Variants in LRGUK observed in about 807,000 individuals in gnomAD.
The protein encoded by LRGUK is leucine-rich repeat and guanylate kinase domain-containing protein.
Under a neutral mutation model 76.0 loss-of-function variants are expected in LRGUK, and 65 were observed. That is an observed-to-expected ratio of 0.85 (90% CI 0.70 to 1.05). The LOEUF is 1.05. LRGUK is among the 50% of genes least tolerant of loss of function. The pLI, the probability that LRGUK is intolerant of heterozygous loss-of-function variation, is 0.00. For missense variants in LRGUK, 758 were observed against 732.8 expected (o/e 1.03, Z -0.40); for synonymous variants, 268 against 265.6 (o/e 1.01, Z -0.09).
At chr7:134,138,240 AC>A (rs1797616497) in intron 2 of LRGUK, among the ~76,000 whole-genome samples, 1 of 152,162 alleles carries the variant, frequency 6.6e-6, no homozygotes, top group Non-Finnish European at 1.5e-5. Context: ...AAATTGATCT[AC>A]CCCAAAAAGC....
chr7:134,201,488 G>T (rs1458848925), exon 15 of LRGUK: 1 of 1,613,298 alleles, frequency 6.2e-7, no homozygotes, highest in Non-Finnish European at 8.5e-7. Context: ...CAGATGATCT[G>T]GATGTTGCCT....
chr7:134,174,726 T>G, intron 8 of LRGUK, 90 bp downstream of exon 8: 1 of 773,854 alleles, frequency 1.3e-6, no homozygotes. Context: ...GAAGTACTTT[T>G]GATAAAAGAA....
Position 134,158,028 on chromosome 7 carries a change from T to C in LRGUK, c.671-7T>C, listed in dbSNP as rs11769154. The C allele has an allele frequency of 6.2e-7, 1 of 1,608,986 alleles. No homozygotes were observed. Among genetic ancestry groups the C allele is most frequent in the Non-Finnish European group, 8.5e-7 (1 of 1,176,312 alleles). ...ACATTTTCCTTAAACGTAGTCATGG[T>C]GTATAGGCAATGAGATAGAAGAAAT... is the stretch of plus-strand genomic sequence containing the variant. On this transcript the variant is annotated splice_region_variant and splice_polypyrimidine_tract_variant and intron_variant, in intron 5 of 15. Transcript: ENST00000645682.
chr7:134,174,151 T>A (rs1585491286), intron 7 of LRGUK, among the ~76,000 whole-genome samples: 1 of 147,390 alleles, frequency 6.8e-6, no homozygotes, highest in Non-Finnish European at 1.5e-5. Flanking sequence ...ATGACCAGGG[T>A]AACAGAAGCA....
chr7:134,203,749 T>C (rs1487402660), intron 15 of LRGUK, among the ~76,000 whole-genome samples: 1 of 152,182 alleles, frequency 6.6e-6, no homozygotes, highest in Non-Finnish European at 1.5e-5. Context: ...TCAGTGTATG[T>C]ATCCAGCCCT....
rs551743721 is a variant in LRGUK, at chr7:134,183,628, T to TA, written c.1215-105dup. 67 of 1,252,344 alleles carry TA rather than the reference T, an allele frequency of 5.3e-5. No individual in the cohort carries two copies. In the African/African-American group the frequency reaches 9.6e-4, roughly 18 times the overall value. 77.6% of individuals were successfully genotyped at this position (1,252,344 alleles called of 1,614,324 possible). A position where few individuals can be genotyped will look rare whatever the true frequency, so the allele number is the denominator to read the frequency against. ...AACTATTCTTCTACGCAGGGTCTTA[T>TA]ATAGCAAGTGCTCATTTAGCCAGGT... On this transcript the variant is annotated intron_variant, in intron 10 of 15. Transcript: ENST00000645682.
At chr7:134,250,631 C>G (rs1206357727) in intron 18 of LRGUK, among the ~76,000 whole-genome samples, 1 of 152,150 alleles carries the variant, frequency 6.6e-6, no homozygotes, top group Non-Finnish European at 1.5e-5. Context: ...TGAAAAATAG[C>G]TGTCCCCTCT....
At chr7:134,233,389 A>G (rs1458050010) in intron 16 of LRGUK, among the ~76,000 whole-genome samples, 1 of 152,214 alleles carries the variant, frequency 6.6e-6, no homozygotes, top group Non-Finnish European at 1.5e-5. Flanking sequence ...AGTCACTGAG[A>G]GCCAATTCTC....
At chr7:134,169,021 T>G (rs1463888658) in intron 7 of LRGUK, among the ~76,000 whole-genome samples, 1 of 152,016 alleles carries the variant, frequency 6.6e-6, no homozygotes, top group African/African-American at 2.4e-5. Context: ...TGTCCCCTCA[T>G]GTGGAAAGGG....
At chr7:134,245,071 G>T (rs562475525) in intron 16 of LRGUK, among the ~76,000 whole-genome samples, 9 of 151,956 alleles carry the variant, frequency 5.9e-5, no homozygotes, top group East Asian at 1.9e-4. Context: ...AGCATTAGGA[G>T]ATATACCTAA....
intron 15 of LRGUK, among the ~76,000 whole-genome samples, chr7:134,218,518 A>T (rs918694761): frequency 6.6e-6 from 1 of 152,232 alleles, no homozygotes; most frequent in African/African-American, 2.4e-5. Flanking sequence ...TCATTAAAAT[A>T]GAGATTTTTG....
At chr7:134,268,710 A>G (rs1467603372), downstream of LRGUK, among the ~76,000 whole-genome samples, 1 of 146,180 alleles carries the variant, frequency 6.8e-6, no homozygotes, top group Non-Finnish European at 1.5e-5. Context: ...TTATATATGC[A>G]AAAAATCTTT....
the LRGUK span, among the ~76,000 whole-genome samples, chr7:134,272,828 A>G: frequency 2.0e-5 from 3 of 152,184 alleles, no homozygotes; most frequent in African/African-American, 7.2e-5. Flanking sequence ...CAGGCCACAA[A>G]CTTTTAATTT....
At chr7:134,160,369 G>A (rs544308118) in intron 6 of LRGUK, among the ~76,000 whole-genome samples, 1 of 152,208 alleles carries the variant, frequency 6.6e-6, no homozygotes, top group South Asian at 2.1e-4. Context: ...CATCACCCAA[G>A]ATCAACTAGA....
At chr7:134,197,648 G>T (rs1367911502) in intron 13 of LRGUK, among the ~76,000 whole-genome samples, 1 of 152,058 alleles carries the variant, frequency 6.6e-6, no homozygotes. Flanking sequence ...TGCTCACTGG[G>T]TGTAATATTT....
Position 134,238,535 on chromosome 7 carries a change from G to A in LRGUK, c.1984-9021G>A, listed in dbSNP as rs111968298. 8.8e-3 allele frequency among the ~76,000 whole-genome samples: 1,342 copies of A among 151,730 alleles called. 13 individuals carry two copies. Among genetic ancestry groups the A allele is most frequent in the African/African-American group, 0.026 (1,062 of 41,392 alleles). The stretch of plus-strand genomic sequence containing the variant: ...TTGTATTTCTTCTAGTTTAGTTTTC[G>A]TTTCTGAGGTGGGTTTTTTTGTTTA... On this transcript the variant is annotated intron_variant, in intron 16 of 19. Coordinates refer to the LRGUK transcript ENST00000285928.
chr7:134,158,446 G>GTA (rs1798577433), intron 6 of LRGUK, among the ~76,000 whole-genome samples: 1 of 152,058 alleles, frequency 6.6e-6, no homozygotes, highest in Admixed American at 6.6e-5. Flanking sequence ...GGAAAGAAAG[G>GTA]TATACTTTTA....
At chr7:134,157,561 C>T (rs796956658) in intron 5 of LRGUK, among the ~76,000 whole-genome samples, 9 of 152,362 alleles carry the variant, frequency 5.9e-5, no homozygotes, top group Non-Finnish European at 8.8e-5. Context: ...CTTGCTCTGT[C>T]GCCCAGGCTG....
chr7:134,154,906 C>T (rs1443237606), intron 5 of LRGUK, among the ~76,000 whole-genome samples: 2 of 152,158 alleles, frequency 1.3e-5, no homozygotes, highest in African/African-American at 4.8e-5. Flanking sequence ...ACAAGCTTTC[C>T]TTTTTGATTC....
Sources: gnomAD v4.1 joint callset for allele counts (sites outside exome capture counted in the v4.1 genomes callset) on GRCh38, gnomAD v4.1.1 for gene constraint, MANE v1.5 for transcripts, NCBI Gene and HGNC (gene_info 2026-07-23, HGNC 2026-07-21) for gene names.